PLXNA4: variants seen among roughly 807,000 people sequenced by gnomAD.
PLXNA4 encodes the protein plexin A4.
A neutral mutation model predicts 191.8 loss-of-function variants in PLXNA4; 44 were observed. The ratio of observed to expected loss-of-function variants is 0.23; its 90% CI spans 0.18 to 0.29. The LOEUF (loss-of-function observed/expected upper bound fraction) is 0.29, where lower values mean the gene tolerates loss of function less well. Ranked by LOEUF, PLXNA4 falls within the 10% of genes least tolerant of loss-of-function variation. PLXNA4 has a pLI of 1.00. For missense variants in PLXNA4, 1,800 were observed against 2,488.8 expected (o/e 0.72, Z 5.89); for synonymous variants, 1,082 against 1,009.5 (o/e 1.07, Z -1.36).
intron 2 of PLXNA4, among the ~76,000 whole-genome samples, chr7:132,586,671 T>C (rs1300423574): frequency 6.6e-6 from 1 of 152,164 alleles, no homozygotes; most frequent in Non-Finnish European, 1.5e-5. Context: ...GAGAATCACT[T>C]GAACCTGGGA....
intron 21 of PLXNA4, among the ~76,000 whole-genome samples, chr7:132,169,103 T>C (rs1488972304): frequency 1.3e-5 from 2 of 152,206 alleles, no homozygotes; most frequent in African/African-American, 2.4e-5. Flanking sequence ...GCTGGGTAAC[T>C]CTGGGTAAGT....
chr7:132,225,372 A>T lies in PLXNA4; in HGVS notation c.1982+789T>A, dbSNP rs545597645. Among the ~76,000 whole-genome samples, 13 of 152,274 alleles carry T rather than the reference A, an allele frequency of 8.5e-5. No homozygotes were observed. In the South Asian group the frequency reaches 1.2e-3, roughly 15 times the overall value. Reference sequence around the variant, plus strand: ...AGCCAGCACAGGGTGCCAGCCAGTGACTGCTCAGATGGGACAGTGCTCCTG... The same window carrying T: ...AGCCAGCACAGGGTGCCAGCCAGTGTCTGCTCAGATGGGACAGTGCTCCTG... On this transcript the variant is annotated intron_variant, in intron 8 of 31. Transcript: ENST00000321063.
intron 2 of PLXNA4, among the ~76,000 whole-genome samples, chr7:132,604,616 G>C (rs1487541420): frequency 6.6e-6 from 1 of 152,100 alleles, no homozygotes; most frequent in African/African-American, 2.4e-5. Context: ...GATGCCACAG[G>C]TTCTCCTGCC....
At chr7:132,135,221 C>T (rs903618400) in intron 30 of PLXNA4, among the ~76,000 whole-genome samples, 2 of 152,208 alleles carry the variant, frequency 1.3e-5, no homozygotes, top group African/African-American at 4.8e-5. Flanking sequence ...AATAACCTCA[C>T]TCACTTTTGG....
rs1051350858 is a variant in PLXNA4, at chr7:132,181,503, T to C, written c.3370A>G (p.Asn1124Asp). 6.2e-7 allele frequency: 1 copy of C among 1,614,050 alleles called. No homozygotes were observed. Among genetic ancestry groups the C allele is most frequent in the East Asian group, 2.2e-5 (1 of 44,860 alleles). ...RPEEFGFILDNVQSLLILNKT... is the reference protein window; with the variant it reads ...RPEEFGFILDDVQSLLILNKT... ...TTGAGGATGAGCAGGGACTGGACGT[T>C]GTCCAGGATGAAGCCAAACTCCTCG... Residue 1124 changes from asparagine (N) to aspartate (D), a missense_variant, in exon 18 of 32, where the codon AAC becomes GAC. By Grantham distance (23) the Asn-to-Asp change is conservative. Coordinates refer to ENST00000321063, the MANE Select transcript of PLXNA4 (RefSeq NM_020911.2).
intron 9 of PLXNA4, among the ~76,000 whole-genome samples, chr7:132,214,453 C>T (rs1228345247): frequency 1.3e-5 from 2 of 152,110 alleles, no homozygotes; most frequent in African/African-American, 4.8e-5. Context: ...TCTAGTGGCG[C>T]TGCTGATTGA....
At chr7:132,551,418 T>C (rs1036004845) in intron 1 of PLXNA4, among the ~76,000 whole-genome samples, 1 of 152,168 alleles carries the variant, frequency 6.6e-6, no homozygotes, top group African/African-American at 2.4e-5. Context: ...CCATGATTAA[T>C]AGTGAGCAAC....
At chr7:132,547,675 A>G (rs1800368713) in intron 1 of PLXNA4, among the ~76,000 whole-genome samples, 1 of 152,148 alleles carries the variant, frequency 6.6e-6, no homozygotes, top group African/African-American at 2.4e-5. Context: ...TCCAACAGCC[A>G]GGCAAACCAG....
At chr7:132,294,794 C>A (rs78595096) in intron 4 of PLXNA4, among the ~76,000 whole-genome samples, 2 of 152,114 alleles carry the variant, frequency 1.3e-5, no homozygotes, top group Admixed American at 6.5e-5. Flanking sequence ...GACTGGTGCT[C>A]TTAGAAGAAG....
intron 1 of PLXNA4, among the ~76,000 whole-genome samples, chr7:132,567,033 G>A (rs1052460740): frequency 4.6e-5 from 7 of 152,140 alleles, no homozygotes; most frequent in Non-Finnish European, 7.3e-5. Context: ...CTATGGAACC[G>A]TCTTTCCAGG....
At position 132,619,090 on chromosome 7, in the gene PLXNA4, A is replaced by G. The variant is rs371910957; in HGVS notation, c.-87+26838T>C. On this transcript the variant is annotated intron_variant, in intron 2 of 4. Coordinates refer to the PLXNA4 transcript ENST00000378539. ...GAAGGAAATGACTCAGAACAGTGGG[A>G]AAATGTCAGCGAAGTGTAAATCCCA... Among the ~76,000 whole-genome samples, 133 of 152,350 alleles carry G rather than the reference A, an allele frequency of 8.7e-4. 1 individual carries two copies. The East Asian group carries it at 0.018, about 20-fold the overall frequency.
At chr7:132,455,552 A>G (rs139981601) in intron 3 of PLXNA4, among the ~76,000 whole-genome samples, 12 of 152,256 alleles carry the variant, frequency 7.9e-5, no homozygotes, top group African/African-American at 2.9e-4. Flanking sequence ...GGTGACACAC[A>G]CAAGCACAGT....
intron 14 of PLXNA4, among the ~76,000 whole-genome samples, chr7:132,191,243 C>T (rs969226854): frequency 3.3e-5 from 5 of 152,142 alleles, no homozygotes; most frequent in African/African-American, 1.2e-4. Context: ...TTAAGGAGGC[C>T]GTTGTGATGG....
At chr7:132,392,047 G>A (rs568047879) in intron 3 of PLXNA4, among the ~76,000 whole-genome samples, 52 of 152,094 alleles carry the variant, frequency 3.4e-4, no homozygotes, top group Non-Finnish European at 6.8e-4. Context: ...AGAATCACTC[G>A]ACCCTGGGAG....
intron 28 of PLXNA4, among the ~76,000 whole-genome samples, chr7:132,145,729 GAA>G (rs1280296458): frequency 6.6e-6 from 1 of 151,974 alleles, no homozygotes; most frequent in Non-Finnish European, 1.5e-5. Context: ...TCTCAGGAGT[GAA>G]AGACTAGCAC....
At chr7:132,468,955 G>T (rs1447562967) in intron 3 of PLXNA4, among the ~76,000 whole-genome samples, 1 of 151,902 alleles carries the variant, frequency 6.6e-6, no homozygotes, top group Non-Finnish European at 1.5e-5. Context: ...ACAGAACATG[G>T]CCTGTGGAAT....
intron 5 of PLXNA4, among the ~76,000 whole-genome samples, chr7:132,230,623 C>T (rs1239310913): frequency 2.0e-5 from 3 of 152,172 alleles, no homozygotes; most frequent in Non-Finnish European, 2.9e-5. Context: ...CAGGCCAGCT[C>T]CTCTGCGAGG....
intron 3 of PLXNA4, among the ~76,000 whole-genome samples, chr7:132,338,666 A>G (rs924018039): frequency 1.5e-4 from 23 of 152,210 alleles, no homozygotes; most frequent in Non-Finnish European, 2.8e-4. Context: ...AAGAGTCACA[A>G]TGCTCAACAT....
rs979693628 is a variant in PLXNA4 at position 132,124,457 on chromosome 7, C to T, written c.*6022G>A. 6.6e-6 allele frequency: 1 copy of T among 152,170 alleles called. No individual in the cohort carries two copies. Among genetic ancestry groups the T allele is most frequent in the Non-Finnish European group, 1.5e-5 (1 of 68,028 alleles). The allele number at this position is 152,170 out of a possible 1,614,324, so 9.4% of individuals were successfully genotyped here. A position where few individuals can be genotyped will look rare whatever the true frequency, so the allele number is the denominator to read the frequency against. On this transcript the variant is annotated 3_prime_UTR_variant, in exon 32 of 32. Transcript: ENST00000321063. ...CTTTGGGTTGCTCTTTAACTGTATC[C>T]TCTGTTTTAAATTCTACTTTTGTAA...
Sources: gnomAD v4.1 joint callset for allele counts (sites outside exome capture counted in the v4.1 genomes callset) on GRCh38, gnomAD v4.1.1 for gene constraint, MANE v1.5 for transcripts, NCBI Gene and HGNC (gene_info 2026-07-23, HGNC 2026-07-21) for gene names.